The following AZIN1 variants were observed in gnomAD, a reference collection of about 807,000 sequenced individuals.
AZIN1 encodes antizyme inhibitor 1.
A neutral mutation model predicts 47.4 loss-of-function variants in AZIN1; 12 were observed. The ratio of observed to expected loss-of-function variants is 0.25; its 90% CI spans 0.16 to 0.41. AZIN1 has a LOEUF of 0.41. AZIN1 is among the 10% of genes least tolerant of loss of function. The probability of loss-of-function intolerance (pLI) is 1.00; values close to 1 mark genes in which losing one functional copy is unlikely to be tolerated. For missense variants in AZIN1, 410 were observed against 532.4 expected (o/e 0.77, Z 2.26); for synonymous variants, 155 against 176.3 (o/e 0.88, Z 0.96).
At chr8:102,853,352 A>C (rs1486998224) in intron 2 of AZIN1, among the ~76,000 whole-genome samples, 2 of 152,162 alleles carry the variant, frequency 1.3e-5, no homozygotes, top group Non-Finnish European at 2.9e-5. Flanking sequence ...GAAATACAAA[A>C]TTAGTCGGGC....
At chr8:102,860,861 CA>C (rs1264969501) in intron 1 of AZIN1, among the ~76,000 whole-genome samples, 1 of 152,130 alleles carries the variant, frequency 6.6e-6, no homozygotes, top group Non-Finnish European at 1.5e-5. Flanking sequence ...AGGTAAACCC[CA>C]AGTTTAGGGG....
rs1811234780 is a variant in AZIN1, at chr8:102,828,597, G to C, written c.1317C>G (p.Ser439Arg). 2 of 1,610,444 alleles carry C rather than the reference G, an allele frequency of 1.2e-6. No individual in the cohort carries two copies. The highest frequency in any genetic ancestry group is 8.5e-7 in the Non-Finnish European group (1 of 1,177,194). ...CTTCAGCGGAAAAGCTGTCTTCTTG[G>C]CTCAGCTGAATGCAAGAAGGCACAA... is the stretch of plus-strand genomic sequence containing the variant. ...FFFVPSCIQL[S>R]QEDSFSAEA The change falls in exon 12 of 12, where the codon AGC becomes AGG. Residue 439 changes from serine to arginine, a missense_variant. Transcript: ENST00000337198.
intron 2 of AZIN1, among the ~76,000 whole-genome samples, chr8:102,845,178 T>C (rs2131245287): frequency 8.1e-6 from 1 of 123,814 alleles, no homozygotes; most frequent in East Asian, 2.7e-4. Context: ...GAGTTCACCC[T>C]TGGGTGATGG....
intron 6 of AZIN1, chr8:102,834,999 T>G: frequency 4.8e-6 from 2 of 417,046 alleles, no homozygotes; most frequent in Admixed American, 4.2e-5. Flanking sequence ...CAATTATCAG[T>G]ACTGTTCCAC....
chr8:102,860,348 T>C (rs1037580092), intron 1 of AZIN1, among the ~76,000 whole-genome samples: 13 of 152,334 alleles, frequency 8.5e-5, no homozygotes, highest in African/African-American at 2.6e-4. Context: ...CTGCAACCTC[T>C]GCCTCTCAGA....
intron 4 of AZIN1, 126 bp from the exon 5 acceptor site, chr8:102,839,042 A>G: frequency 1.2e-6 from 1 of 807,472 alleles, no homozygotes. Context: ...TCCAGGCTGA[A>G]GTGCAATAGC....
chr8:102,861,099 AGTTTT>A (rs1342578668), intron 1 of AZIN1, among the ~76,000 whole-genome samples: 2 of 152,244 alleles, frequency 1.3e-5, no homozygotes, highest in African/African-American at 4.8e-5. Flanking sequence ...TCAGTTTCTT[AGTTTT>A]AACAAATGTA....
chr8:102,849,717 C>T (rs967565482), intron 2 of AZIN1, among the ~76,000 whole-genome samples: 3 of 152,334 alleles, frequency 2.0e-5, no homozygotes, highest in Middle Eastern at 3.4e-3. Flanking sequence ...TTATTTTACA[C>T]TAATACAGTA....
At chr8:102,848,323 C>CAAAAA (rs60663839) in intron 2 of AZIN1, among the ~76,000 whole-genome samples, 1 of 91,588 alleles carries the variant, frequency 1.1e-5, no homozygotes, top group Non-Finnish European at 2.2e-5. Context: ...ACTAAAAGGC[C>CAAAAA]AAAAAAAAAA....
chr8:102,860,500 C>A (rs1299650674), intron 1 of AZIN1, among the ~76,000 whole-genome samples: 3 of 152,140 alleles, frequency 2.0e-5, no homozygotes, highest in Non-Finnish European at 2.9e-5. Context: ...CCTGACCTTG[C>A]GATCCACCCA....
intron 2 of AZIN1, among the ~76,000 whole-genome samples, chr8:102,856,957 C>T (rs1458278346): frequency 6.6e-6 from 1 of 152,130 alleles, no homozygotes; most frequent in East Asian, 1.9e-4. Flanking sequence ...TAACCAAGGA[C>T]AGTAATACAC....
intron 1 of AZIN1, among the ~76,000 whole-genome samples, chr8:102,862,891 T>C (rs1042902084): frequency 6.6e-6 from 1 of 152,192 alleles, no homozygotes; most frequent in Non-Finnish European, 1.5e-5. Context: ...CAGGATACCG[T>C]GTAAGGGTTA....
intron 3 of AZIN1, among the ~76,000 whole-genome samples, chr8:102,841,217 T>C (rs1812156651): frequency 6.6e-6 from 1 of 152,008 alleles, no homozygotes; most frequent in Non-Finnish European, 1.5e-5. Flanking sequence ...ATAGTGGGAA[T>C]GGAGGAGATG....
chr8:102,833,914 T>C (rs1386786590), intron 8 of AZIN1, among the ~76,000 whole-genome samples: 1 of 148,048 alleles, frequency 6.8e-6, no homozygotes, highest in Non-Finnish European at 1.5e-5. Context: ...AAAAAGGTAG[T>C]AGTGAAGTTT....
intron 1 of AZIN1, among the ~76,000 whole-genome samples, chr8:102,859,574 A>T (rs1389259868): frequency 6.6e-6 from 1 of 152,228 alleles, no homozygotes. Flanking sequence ...ATTTAAATAC[A>T]AAAAATAGGG....
chr8:102,853,593 C>T (rs937865516), intron 2 of AZIN1, among the ~76,000 whole-genome samples: 1 of 152,174 alleles, frequency 6.6e-6, no homozygotes, highest in African/African-American at 2.4e-5. Flanking sequence ...CAAGAAATAC[C>T]ATGTCTCTAA....
At chr8:102,843,363 A>G (rs1812346485) in intron 3 of AZIN1, among the ~76,000 whole-genome samples, 188 bp downstream of exon 3, 1 of 152,162 alleles carries the variant, frequency 6.6e-6, no homozygotes, top group Non-Finnish European at 1.5e-5. Flanking sequence ...AGGATTTTAA[A>G]ATAATGTGGA....
At position 102,839,826 on chromosome 8, in the gene AZIN1, A is replaced by G. The variant is rs1812063946; in HGVS notation, c.103-3T>C. ...ACAAAAAATGCATTTTTCCCTGTCT[A>G]TTATGGTTATAAAAAAAAAGACAAA... On this transcript the variant is annotated splice_polypyrimidine_tract_variant and splice_region_variant and intron_variant, in intron 3 of 11. Transcript: ENST00000337198. 5.2e-6 allele frequency: 8 copies of G among 1,549,026 alleles called. No homozygotes were observed. The highest frequency in any genetic ancestry group is 2.0e-5 in the Admixed American group (1 of 49,600).
intron 2 of AZIN1, among the ~76,000 whole-genome samples, chr8:102,856,521 G>A (rs1192611825): frequency 2.0e-5 from 3 of 152,130 alleles, no homozygotes; most frequent in Non-Finnish European, 4.4e-5. Flanking sequence ...TTTCTAAGAG[G>A]AAACACCAGT....
Sources: allele counts gnomAD v4.1 joint callset (sites outside exome capture counted in the v4.1 genomes callset), GRCh38; gene constraint gnomAD v4.1.1; transcripts MANE v1.5; gene names NCBI Gene and HGNC (gene_info 2026-07-23, HGNC 2026-07-21).